The following FAAH2 variants were observed in gnomAD, a reference collection of about 807,000 sequenced individuals.
The protein encoded by FAAH2 is fatty-acid amide hydrolase 2.
Under a neutral mutation model 36.9 loss-of-function variants are expected in FAAH2, and 60 were observed. The observed-to-expected ratio is 1.63, with a 90% confidence interval of 1.32 to 2.02. The LOEUF is 2.02. Ranked by LOEUF, FAAH2 falls within the 30% of genes most tolerant of loss-of-function variation. The pLI is 0.00. For missense variants in FAAH2, 689 were observed against 397.5 expected, an observed-to-expected ratio of 1.73 and a Z score of -6.23; for synonymous variants, 214 against 143.8, an observed-to-expected ratio of 1.49 and a Z score of -3.49.
the FAAH2 span, among the ~76,000 whole-genome samples, chrX:57,130,264 T>A: frequency 1.8e-5 from 2 of 112,432 alleles, no homozygotes; most frequent in Non-Finnish European, 3.8e-5. Context: ...CATTATCTGG[T>A]TTACATTTTT....
At chrX:57,417,841 C>A (rs2055886220) in intron 7 of FAAH2, among the ~76,000 whole-genome samples, 1 of 111,929 alleles carries the variant, frequency 8.9e-6, no homozygotes, top group Admixed American at 9.5e-5. Context: ...GCCGCCCCTT[C>A]CCCCAGGTTC....
intron 7 of FAAH2, chrX:57,394,423 C>T: frequency 9.2e-6 from 11 of 1,195,787 alleles, no homozygotes; most frequent in Non-Finnish European, 1.2e-5. Context: ...CCTCTTCAGA[C>T]AGCAGACCAA....
chrX:57,457,478 G>T (rs1036593101), intron 10 of FAAH2, among the ~76,000 whole-genome samples: 1 of 90,891 alleles, frequency 1.1e-5, no homozygotes, highest in Non-Finnish European at 2.1e-5. Context: ...TAAATAAAAG[G>T]CACCCAAATA....
At chrX:57,267,158 C>T in the FAAH2 span, among the ~76,000 whole-genome samples, 56 of 112,725 alleles carry the variant, frequency 5.0e-4, no homozygotes, top group Non-Finnish European at 9.2e-4. Flanking sequence ...CTGCACATTC[C>T]CTTGCCATAG....
chrX:57,258,394 T>G, the FAAH2 span, among the ~76,000 whole-genome samples: 2 of 111,341 alleles, frequency 1.8e-5, no homozygotes, highest in African/African-American at 6.5e-5. Flanking sequence ...CAATAATTTT[T>G]TTAAGCTAAC....
At chrX:57,438,130 C>T (rs955768063) in intron 8 of FAAH2, among the ~76,000 whole-genome samples, 93 of 104,099 alleles carry the variant, frequency 8.9e-4, no homozygotes, top group South Asian at 2.0e-3. Flanking sequence ...TATGTATACA[C>T]GTGTATATAT....
At chrX:57,315,264 A>G (rs2052803483) in intron 3 of FAAH2, among the ~76,000 whole-genome samples, 1 of 111,359 alleles carries the variant, frequency 9.0e-6, no homozygotes, top group Non-Finnish European at 1.9e-5. Flanking sequence ...ATCGGTAATA[A>G]GAAACCTACC....
chrX:57,318,959 A>G (rs2052929507), intron 3 of FAAH2, among the ~76,000 whole-genome samples: 2 of 112,050 alleles, frequency 1.8e-5, no homozygotes, highest in African/African-American at 6.5e-5. Context: ...GGCCCTCCAT[A>G]AAATTCAACA....
At chrX:57,151,054 A>C in the FAAH2 span, among the ~76,000 whole-genome samples, 2,889 of 111,987 alleles carry the variant, frequency 0.026, 85 homozygotes, top group African/African-American at 0.09. Flanking sequence ...TTCTGGGTTG[A>C]AAATTATTTT....
At chrX:57,224,623 C>T in the FAAH2 span, among the ~76,000 whole-genome samples, 1 of 112,020 alleles carries the variant, frequency 8.9e-6, no homozygotes, top group Non-Finnish European at 1.9e-5. Flanking sequence ...CTGGAAGACA[C>T]GTACCCCTGA....
At chrX:57,320,827 A>G in intron 3 of FAAH2, among the ~76,000 whole-genome samples, 1 of 112,714 alleles carries the variant, frequency 8.9e-6, no homozygotes, top group East Asian at 2.8e-4. Flanking sequence ...ACACCATGCA[A>G]TATTATACAG....
chrX:57,252,853 C>T, the FAAH2 span, among the ~76,000 whole-genome samples: 5 of 112,345 alleles, frequency 4.5e-5, no homozygotes, highest in Admixed American at 1.9e-4. Context: ...AGAATGCCTC[C>T]TCTCCTCCAA....
chrX:57,363,601 G>T (rs1306272582), intron 5 of FAAH2, among the ~76,000 whole-genome samples: 1 of 111,181 alleles, frequency 9.0e-6, no homozygotes, highest in Non-Finnish European at 1.9e-5. Context: ...CCAGCACTAT[G>T]TTGAATAGGA....
intron 6 of FAAH2, among the ~76,000 whole-genome samples, chrX:57,380,350 G>T (rs2054809739): frequency 9.0e-6 from 1 of 111,105 alleles, no homozygotes; most frequent in Non-Finnish European, 1.9e-5. Context: ...TAAGCTAGAG[G>T]ACTGTCTATT....
chrX:57,398,598 T>C (rs1224482069), intron 7 of FAAH2, among the ~76,000 whole-genome samples: 1 of 110,135 alleles, frequency 9.1e-6, no homozygotes, highest in Non-Finnish European at 1.9e-5. Flanking sequence ...AGAGCTCCCA[T>C]AAAATGGGAG....
chrX:57,452,665 A>G (rs1186090886), intron 10 of FAAH2, among the ~76,000 whole-genome samples: 1 of 112,442 alleles, frequency 8.9e-6, no homozygotes, highest in Non-Finnish European at 1.9e-5. Context: ...ATAATTAAAA[A>G]TATAAATAAG....
the FAAH2 span, chrX:57,229,277 G>A: frequency 5.4e-5 from 6 of 111,540 alleles, no homozygotes; most frequent in African/African-American, 2.0e-4. Flanking sequence ...GTGAAAAAGA[G>A]GATGAAGAAA....
chrX:57,349,272 TATATAC>T (rs2053926612), intron 5 of FAAH2, among the ~76,000 whole-genome samples: 1 of 94,581 alleles, frequency 1.1e-5, no homozygotes, highest in Non-Finnish European at 2.1e-5. Flanking sequence ...TGTATATACA[TATATAC>T]ATATATACAT....
intron 3 of FAAH2, among the ~76,000 whole-genome samples, chrX:57,315,018 A>T (rs990205284): frequency 4.5e-5 from 5 of 111,510 alleles, no homozygotes; most frequent in African/African-American, 1.6e-4. Context: ...AATAAGTTAG[A>T]CTGCTACCTA....
Sources: allele counts gnomAD v4.1 joint callset (sites outside exome capture counted in the v4.1 genomes callset), GRCh38; gene constraint gnomAD v4.1.1; transcripts MANE v1.5; gene names NCBI Gene and HGNC (gene_info 2026-07-23, HGNC 2026-07-21).